Variants in JAKMIP3 observed in about 807,000 individuals in gnomAD.
JAKMIP3 encodes janus kinase and microtubule-interacting protein 3.
In JAKMIP3, 58 loss-of-function variants were observed where a neutral mutation model predicts 118.5. The observed-to-expected ratio is 0.49, with a 90% CI of 0.40 to 0.61. The LOEUF is 0.61. Among genes scored for constraint, JAKMIP3 ranks in the 20% least tolerant of loss-of-function variants. The pLI is 0.00. For missense variants in JAKMIP3, 950 were observed against 1,109.0 expected (o/e 0.86, Z 2.04); for synonymous variants, 486 against 451.2 (o/e 1.08, Z -0.98).
chr10:132,060,523 A>G (rs1309364638), upstream of JAKMIP3, among the ~76,000 whole-genome samples: 8 of 152,184 alleles, frequency 5.3e-5, no homozygotes, highest in African/African-American at 1.7e-4. Context: ...AAAATCCTGC[A>G]ATGACCCTGG....
chr10:132,079,026 C>T (rs2041337206), intron 1 of JAKMIP3, among the ~76,000 whole-genome samples: 1 of 151,750 alleles, frequency 6.6e-6, no homozygotes, highest in Non-Finnish European at 1.5e-5. Context: ...GACCCAAATG[C>T]CCACTCCTGC....
At position 132,170,427 on chromosome 10, in the gene JAKMIP3, G is replaced by A. The variant is rs367950386; in HGVS notation, c.*1103+1394G>A. Among the ~76,000 whole-genome samples the A allele has an allele frequency of 9.2e-5, 14 of 152,296 alleles. No homozygotes were observed. The East Asian group carries it at 2.7e-3, about 29-fold the overall frequency. ...CCCTGCGGGCCAGGCCTCACAGCAG[G>A]GGCAGGTGGACCATCCAGGCCATGC... is the stretch of plus-strand genomic sequence containing the variant. On this transcript the variant is annotated intron_variant, in intron 23 of 23. Coordinates refer to ENST00000684848, the MANE Select transcript of JAKMIP3 (RefSeq NM_001323087.2).
intron 11 of JAKMIP3, among the ~76,000 whole-genome samples, chr10:132,142,377 C>T (rs541076468): frequency 4.6e-5 from 7 of 152,222 alleles, no homozygotes; most frequent in African/African-American, 1.7e-4. Flanking sequence ...ACCTCTTCCA[C>T]TCTTGGCAGC....
intron 1 of JAKMIP3, among the ~76,000 whole-genome samples, chr10:132,038,803 A>C (rs913100104): frequency 4.6e-5 from 7 of 152,200 alleles, no homozygotes; most frequent in African/African-American, 1.7e-4. Context: ...AAAAAAAAAA[A>C]AAAAAAACCA....
In JAKMIP3 at chr10:132,075,550, C is replaced by T. The variant is rs1030730695; in HGVS notation, c.-138+9489C>T. Among the ~76,000 whole-genome samples the T allele has an allele frequency of 6.4e-4, 98 of 152,062 alleles. 1 individual carries two copies. The highest frequency in any genetic ancestry group is 2.3e-3 in the African/African-American group (94 of 41,464). On this transcript the variant is annotated intron_variant, in intron 1 of 23. Transcript: ENST00000684848. Reference sequence around the variant, plus strand: ...TCAGCCTCCCGAGTAGCTGGGATTACAGGCATGCACCACCACACTGGGCTA... The same window carrying T: ...TCAGCCTCCCGAGTAGCTGGGATTATAGGCATGCACCACCACACTGGGCTA...
At chr10:132,051,605 T>G (rs371747636) in intron 1 of JAKMIP3, among the ~76,000 whole-genome samples, 34 of 152,056 alleles carry the variant, frequency 2.2e-4, no homozygotes, top group African/African-American at 8.0e-4. Context: ...TTTTACTTTT[T>G]TTTTTTTCTT....
At chr10:132,038,675 C>T (rs866678497) in intron 1 of JAKMIP3, among the ~76,000 whole-genome samples, 2 of 151,742 alleles carry the variant, frequency 1.3e-5, no homozygotes, top group African/African-American at 4.8e-5. Flanking sequence ...GCCTGTAATC[C>T]CAGCTCCTCG....
At chr10:132,097,962 T>TTTCC (rs2044216419) in intron 1 of JAKMIP3, among the ~76,000 whole-genome samples, 1 of 24,942 alleles carries the variant, frequency 4.0e-5, no homozygotes, top group Non-Finnish European at 9.5e-5. Flanking sequence ...CCCCTTTCCC[T>TTTCC]TTCCTTCCTT....
At chr10:132,110,157 C>A (rs2046630995) in intron 2 of JAKMIP3, among the ~76,000 whole-genome samples, 1 of 152,202 alleles carries the variant, frequency 6.6e-6, no homozygotes, top group Non-Finnish European at 1.5e-5. Flanking sequence ...ACAGACCGAC[C>A]CTGCCCCACC....
intron 2 of JAKMIP3, among the ~76,000 whole-genome samples, chr10:132,107,340 C>T (rs1564906031): frequency 1.3e-5 from 2 of 152,236 alleles, no homozygotes; most frequent in Admixed American, 1.3e-4. Context: ...CCGAGGGACA[C>T]ACGCTCCTTG....
intron 1 of JAKMIP3, among the ~76,000 whole-genome samples, chr10:132,058,849 G>A (rs1244886540): frequency 6.6e-6 from 1 of 152,226 alleles, no homozygotes; most frequent in African/African-American, 2.4e-5. Flanking sequence ...CCATCATAAG[G>A]TCGAAGCCTT....
At chr10:132,130,424 C>T (rs1454759869) in intron 3 of JAKMIP3, among the ~76,000 whole-genome samples, 4 of 152,230 alleles carry the variant, frequency 2.6e-5, no homozygotes, top group African/African-American at 9.6e-5. Context: ...AAGGCGCATT[C>T]GTGTGCTCAC....
chr10:132,174,157 T>C (rs2814168), intron 23 of JAKMIP3, among the ~76,000 whole-genome samples: 125,063 of 151,934 alleles, frequency 0.82, 51,619 homozygotes, highest in East Asian at 0.96. Context: ...CCATGCACAG[T>C]GCATGCATCC....
At chr10:132,134,340 GA>G (rs1025694989) in intron 4 of JAKMIP3, among the ~76,000 whole-genome samples, 1 of 152,178 alleles carries the variant, frequency 6.6e-6, no homozygotes, top group Non-Finnish European at 1.5e-5. Flanking sequence ...GACATTTCAA[GA>G]ATAGAAAATA....
chr10:132,055,416 A>G (rs1023358410), intron 1 of JAKMIP3, among the ~76,000 whole-genome samples: 1 of 152,210 alleles, frequency 6.6e-6, no homozygotes, highest in African/African-American at 2.4e-5. Context: ...AGTGGCTAAG[A>G]GCACATGATT....
At chr10:132,066,402 G>A (rs1055655108) in intron 1 of JAKMIP3, among the ~76,000 whole-genome samples, 1 of 152,208 alleles carries the variant, frequency 6.6e-6, no homozygotes, top group Non-Finnish European at 1.5e-5. Context: ...GGTGGGTTGG[G>A]GAAGCCAGGC....
At chr10:132,171,970 A>G (rs573273190) in intron 23 of JAKMIP3, among the ~76,000 whole-genome samples, 1 of 152,082 alleles carries the variant, frequency 6.6e-6, no homozygotes, top group East Asian at 1.9e-4. Context: ...TGTCTTGCAT[A>G]ATCATGATAG....
chr10:132,143,143 GGGGT>G (rs1293503215), intron 11 of JAKMIP3, among the ~76,000 whole-genome samples: 5 of 143,714 alleles, frequency 3.5e-5, no homozygotes, highest in African/African-American at 1.4e-4. Context: ...GTCCTGAGTC[GGGGT>G]GGGGGGGGCT....
intron 23 of JAKMIP3, among the ~76,000 whole-genome samples, chr10:132,172,734 C>T (rs969089124): frequency 6.6e-6 from 1 of 151,894 alleles, no homozygotes; most frequent in Non-Finnish European, 1.5e-5. Context: ...TCCTCTCTGT[C>T]CCCACAAGGC....
Sources: allele counts gnomAD v4.1 joint callset (sites outside exome capture counted in the v4.1 genomes callset), GRCh38; gene constraint gnomAD v4.1.1; transcripts MANE v1.5; gene names NCBI Gene and HGNC (gene_info 2026-07-23, HGNC 2026-07-21).